Variants in CCDC117 observed in about 807,000 individuals in gnomAD.
CCDC117 encodes coiled-coil domain containing 117.
CCDC117 carries 1 observed loss-of-function variant against 23.5 expected under a neutral mutation model. The ratio of observed to expected loss-of-function variants is 0.04; its 90% CI spans 0.02 to 0.20. The LOEUF is 0.20. Among genes scored for constraint, CCDC117 ranks in the 10% least tolerant of loss-of-function variants. The pLI is 1.00. For missense variants in CCDC117, 383 were observed against 348.2 expected (o/e 1.10, Z -0.80); for synonymous variants, 132 against 124.8 (o/e 1.06, Z -0.39).
chr22:28,785,553 G>C (rs996003088), intron 4 of CCDC117, among the ~76,000 whole-genome samples: 1 of 152,108 alleles, frequency 6.6e-6, no homozygotes, highest in Non-Finnish European at 1.5e-5. Context: ...TGTTTGTCCA[G>C]TGTTTCCTTT....
At chr22:28,776,946 A>G (rs116749961) in intron 2 of CCDC117, among the ~76,000 whole-genome samples, 1,920 of 151,416 alleles carry the variant, frequency 0.013, 46 homozygotes, top group African/African-American at 0.044. Context: ...TCTAAAACTC[A>G]TGACTTCAAG....
intron 2 of CCDC117, among the ~76,000 whole-genome samples, chr22:28,776,058 A>G (rs1185488655): frequency 6.6e-6 from 1 of 152,192 alleles, no homozygotes; most frequent in African/African-American, 2.4e-5. Flanking sequence ...AGGAACTCTT[A>G]AATATGGGTA....
Position 28,783,523 on chromosome 22 carries a change from T to C in CCDC117, c.480T>C (p.Asp160=). 1.2e-6 allele frequency: 2 copies of C among 1,613,464 alleles called. No homozygotes were observed. Among genetic ancestry groups the C allele is most frequent in the South Asian group, 2.2e-5 (2 of 90,904 alleles). The stretch of plus-strand genomic sequence containing the variant: ...ATTGATTTAGGATAATTGATGAAGA[T>C]GAAGAAGTTGAAGCTGACAGAAATG... The part of the protein sequence containing the change: ...QEIEDRIIDE[D]EEVEADRNVN... Residue 160 remains aspartate (D), a synonymous_variant, in exon 4 of 5, where the codon GAT becomes GAC. Transcript: ENST00000249064.
At chr22:28,773,893 A>G (rs2031078644) in intron 2 of CCDC117, 115 bp downstream of exon 2, 2 of 812,062 alleles carry the variant, frequency 2.5e-6, no homozygotes, top group Admixed American at 2.2e-5. Flanking sequence ...CTGGAAAGAG[A>G]CACAGAAATT....
Position 28,773,013 on chromosome 22 carries a change from C to T in CCDC117, c.164C>T (p.Ala55Val), listed in dbSNP as rs1273646327. The T allele has an allele frequency of 4.3e-6, 5 of 1,172,214 alleles. No homozygotes were observed. The South Asian group carries it at 2.1e-4, about 49-fold the overall frequency. The allele number at this position is 1,172,214 out of a possible 1,614,324, so 72.6% of individuals were successfully genotyped here. A position where few individuals can be genotyped will look rare whatever the true frequency, so the allele number is the denominator to read the frequency against. ...PGPRAVPSSP[A>V]GSAARGRVSV... ...CCTCGCGCAGTCCCTAGCAGTCCCG[C>T]TGGGAGTGCGGCGCGCGGACGGTGA... Residue 55 changes from alanine to valine, a missense_variant, in exon 1 of 5, where the codon GCT (alanine) becomes GTT (valine). Physicochemically the swap from Ala to Val is moderately conservative, Grantham distance 64. Coordinates refer to ENST00000249064, the MANE Select transcript of CCDC117 (RefSeq NM_173510.4).
intron 2 of CCDC117, among the ~76,000 whole-genome samples, 191 bp downstream of exon 2, chr22:28,773,969 C>T (rs1236549102): frequency 6.6e-6 from 1 of 152,018 alleles, no homozygotes; most frequent in Non-Finnish European, 1.5e-5. Flanking sequence ...GGAAACTTTT[C>T]GCTCTATAAC....
chr22:28,781,076 C>T lies in CCDC117; in HGVS notation c.368C>T (p.Pro123Leu). Reference sequence around the variant, plus strand: ...CCCAGTGTTAGTGGCCTTTCCATACCTGGGATATTAGATGTTATTTGTGAA... The same window carrying T: ...CCCAGTGTTAGTGGCCTTTCCATACTTGGGATATTAGATGTTATTTGTGAA... ...VNPSVSGLSI[P>L]GILDVICEEM... Residue 123 changes from proline (P) to leucine (L), a missense_variant, in exon 3 of 5, where the codon CCT becomes CTT. Pro to Leu is a moderately conservative substitution (Grantham distance 98). Coordinates refer to ENST00000249064, the MANE Select transcript of CCDC117 (RefSeq NM_173510.4). 1 of 1,613,818 alleles carries T rather than the reference C, an allele frequency of 6.2e-7. No homozygotes were observed. Among genetic ancestry groups the T allele is most frequent in the South Asian group, 1.1e-5 (1 of 91,070 alleles).
chr22:28,785,054 GC>G (rs2031469178), intron 4 of CCDC117, among the ~76,000 whole-genome samples: 1 of 152,174 alleles, frequency 6.6e-6, no homozygotes, highest in Non-Finnish European at 1.5e-5. Flanking sequence ...ACAGGCGTGA[GC>G]CACCGCGCCC....
rs2031027873 is a variant in CCDC117, at chr22:28,772,917, C to G, written c.68C>G (p.Pro23Arg). The G allele has an allele frequency of 2.4e-6, 3 of 1,227,534 alleles. No homozygotes were observed. The highest frequency in any genetic ancestry group is 3.0e-6 in the Non-Finnish European group (3 of 984,736). The allele number at this position is 1,227,534 out of a possible 1,614,324, so 76.0% of individuals were successfully genotyped here. A position where few individuals can be genotyped will look rare whatever the true frequency, so the allele number is the denominator to read the frequency against. The change falls in exon 1 of 5, where the codon CCG (proline) becomes CGG (arginine). Residue 23 changes from proline (P) to arginine (R), a missense_variant. Transcript: ENST00000249064. ...GGCGGCTCGGACTTCCTGCAGCCGC[C>G]GCAGCCGGCCTTCCCCGGCCGGGCC... The part of the protein sequence containing the change: ...LSGGSDFLQP[P>R]QPAFPGRAFP...
At chr22:28,782,077 G>A (rs1021905566) in intron 3 of CCDC117, among the ~76,000 whole-genome samples, 1 of 149,686 alleles carries the variant, frequency 6.7e-6, no homozygotes. Flanking sequence ...GGCTGGGACT[G>A]CAGGCATGTG....
chr22:28,774,233 ATT>A (rs1187123889), intron 2 of CCDC117, among the ~76,000 whole-genome samples: 5 of 140,666 alleles, frequency 3.6e-5, no homozygotes, highest in East Asian at 2.1e-4. Flanking sequence ...ACGCCTGGCA[ATT>A]TTTTTTTTTT....
intron 2 of CCDC117, among the ~76,000 whole-genome samples, chr22:28,777,505 C>CT (rs923239951): frequency 3.3e-4 from 46 of 138,662 alleles, no homozygotes; most frequent in Admixed American, 3.6e-4. Context: ...GACATCTTTT[C>CT]TTTTTTTTTT....
intron 4 of CCDC117, among the ~76,000 whole-genome samples, chr22:28,785,144 G>A (rs2031473405): frequency 6.6e-6 from 1 of 151,938 alleles, no homozygotes; most frequent in Non-Finnish European, 1.5e-5. Flanking sequence ...CACAGTGTGT[G>A]TGTAACATAG....
chr22:28,785,372 A>G (rs2031481296), intron 4 of CCDC117, among the ~76,000 whole-genome samples: 1 of 151,924 alleles, frequency 6.6e-6, no homozygotes. Context: ...TATTTTTTGT[A>G]GAGACGGGGT....
Sources: allele counts gnomAD v4.1 joint callset (sites outside exome capture counted in the v4.1 genomes callset), GRCh38; gene constraint gnomAD v4.1.1; transcripts MANE v1.5; gene names NCBI Gene and HGNC (gene_info 2026-07-23, HGNC 2026-07-21).